The following SLCO4A1 variants were observed in gnomAD, a reference collection of about 807,000 sequenced individuals.
SLCO4A1 encodes the protein colon organic anion transporter.
A neutral mutation model predicts 64.6 loss-of-function variants in SLCO4A1; 51 were observed. That is an observed-to-expected ratio of 0.79 (90% CI 0.63 to 1.00). The LOEUF is 1.00. SLCO4A1 is among the 50% of genes least tolerant of loss of function. SLCO4A1 has a pLI of 0.00. For missense variants in SLCO4A1, 919 were observed against 980.5 expected, an observed-to-expected ratio of 0.94 and a Z score of 0.84; for synonymous variants, 471 against 444.9, an observed-to-expected ratio of 1.06 and a Z score of -0.74.
intron 2 of SLCO4A1, among the ~76,000 whole-genome samples, chr20:62,680,182 G>A (rs1367728397): frequency 6.6e-6 from 1 of 152,212 alleles, no homozygotes; most frequent in Non-Finnish European, 1.5e-5. Flanking sequence ...AGTGCCCTCT[G>A]CTGGTGTATA....
chr20:62,657,200 T>A lies in SLCO4A1; in HGVS notation c.746T>A (p.Val249Asp). The A allele has an allele frequency of 6.5e-7, 1 of 1,548,482 alleles. No individual in the cohort carries two copies. The highest frequency in any genetic ancestry group is 8.7e-7 in the Non-Finnish European group (1 of 1,145,454). ...GCCACACCCCTCTACACGCTGGGCG[T>A]CACCTACCTGGATGAGAACGTCAAG... is the stretch of plus-strand genomic sequence containing the variant. ...VGATPLYTLG[V>D]TYLDENVKSS... Residue 249 changes from valine to aspartate, a missense_variant, in exon 2 of 12, where the codon GTC becomes GAC. Val to Asp is a radical substitution (Grantham distance 152). Transcript: ENST00000217159.
chr20:62,680,283 C>T (rs1304738434), intron 2 of SLCO4A1, among the ~76,000 whole-genome samples: 1 of 152,238 alleles, frequency 6.6e-6, no homozygotes, highest in Non-Finnish European at 1.5e-5. Flanking sequence ...TCTACATAAA[C>T]AGCCATGTCA....
At chr20:62,689,298 C>T (rs962367489), downstream of SLCO4A1, among the ~76,000 whole-genome samples, 7 of 151,950 alleles carry the variant, frequency 4.6e-5, no homozygotes, top group East Asian at 5.8e-4. Flanking sequence ...CCCCGTGCCT[C>T]GCAGGCCTGT....
At chr20:62,677,899 C>T (rs565376039) in intron 2 of SLCO4A1, among the ~76,000 whole-genome samples, 237 of 152,374 alleles carry the variant, frequency 1.6e-3, no homozygotes, top group African/African-American at 5.5e-3. Context: ...TGCTCCAGTC[C>T]CCAGCTGGGC....
At chr20:62,655,729 T>C (rs1171285059) in intron 1 of SLCO4A1, among the ~76,000 whole-genome samples, 1 of 152,166 alleles carries the variant, frequency 6.6e-6, no homozygotes, top group Non-Finnish European at 1.5e-5. Flanking sequence ...CGGGGGTGTT[T>C]CCGGTGCTGG....
Position 62,657,040 on chromosome 20 carries a change from C to G in SLCO4A1, c.586C>G (p.Arg196Gly), listed in dbSNP as rs151190266. The change falls in exon 2 of 12, where the codon CGC becomes GGC. Residue 196 changes from arginine (R) to glycine (G), a missense_variant. Transcript: ENST00000217159. ...VFALPHFTAGRYEVELDAGVR... is the reference protein window; with the variant it reads ...VFALPHFTAGGYEVELDAGVR... ...CGCGCTGCCCCACTTCACGGCTGGC[C>G]GCTATGAGGTGGAGTTGGACGCGGG... is the stretch of plus-strand genomic sequence containing the variant. The G allele has an allele frequency of 6.3e-7, 1 of 1,592,552 alleles. No individual in the cohort carries two copies. The highest frequency in any genetic ancestry group is 8.6e-7 in the Non-Finnish European group (1 of 1,166,804).
chr20:62,665,925 TGGCC>T (rs1986147586), intron 6 of SLCO4A1: 2 of 158,816 alleles, frequency 1.3e-5, no homozygotes, highest in Non-Finnish European at 2.8e-5. Flanking sequence ...TTACTGTTGG[TGGCC>T]ACTCAGGCTT....
Position 62,668,014 on chromosome 20 carries a change from G to A in SLCO4A1, c.1641G>A (p.Val547=), listed in dbSNP as rs1475878209. The change falls in exon 9 of 12, where the codon GTG becomes GTA. Residue 547 remains valine (V), a splice_region_variant and synonymous_variant. Transcript: ENST00000217159. The part of the protein sequence containing the change: ...ATETNVDGQK[V]YRDCSCIPQN... ...GGAGCTATTGTTGGGCTTCCCAGGT[G>A]TACCGAGACTGTAGCTGTATCCCTC... The A allele has an allele frequency of 5.0e-6, 8 of 1,613,942 alleles. No individual in the cohort carries two copies. In the Admixed American group the frequency reaches 8.3e-5, roughly 17 times the overall value.
intron 10 of SLCO4A1, 76 bp downstream of exon 10, chr20:62,668,617 C>A: frequency 7.4e-7 from 1 of 1,354,206 alleles, no homozygotes; most frequent in Non-Finnish European, 1.1e-6. Context: ...AAGTGTCTAA[C>A]CACCAAGGGG....
chr20:62,668,474 C>T lies in SLCO4A1; in HGVS notation c.1812-3C>T, dbSNP rs774861784. On this transcript the variant is annotated splice_polypyrimidine_tract_variant and splice_region_variant and intron_variant, in intron 9 of 11. Transcript: ENST00000217159. The stretch of plus-strand genomic sequence containing the variant: ...GTGCTGACGCTGTGGTTTTCTATTG[C>T]AGATGTGTCCGTGACCCTCAGAGAT... 1 of 1,613,798 alleles carries T rather than the reference C, an allele frequency of 6.2e-7. No individual in the cohort carries two copies. Among genetic ancestry groups the T allele is most frequent in the Admixed American group, 1.7e-5 (1 of 60,032 alleles).
At position 62,666,421 on chromosome 20, in the gene SLCO4A1, G is replaced by A. The variant is rs748663971; in HGVS notation, c.1318G>A (p.Gly440Ser). The A allele has an allele frequency of 1.7e-5, 27 of 1,613,032 alleles. No homozygotes were observed. The highest frequency in any genetic ancestry group is 2.1e-5 in the Non-Finnish European group (25 of 1,179,910). Residue 440 changes from glycine to serine, a missense_variant, in exon 7 of 12, where the codon GGC (glycine) becomes AGC (serine). Gly to Ser is a moderately conservative substitution (Grantham distance 56). Transcript: ENST00000217159. Reference protein sequence around the residue: ...VPAGGGGTFLGGFFVNKLRLR... With the variant: ...VPAGGGGTFLSGFFVNKLRLR... ...AGCGGGTGGTGGCGGCACCTTCCTG[G>A]GCGGCTTCTTTGTGAACAAGCTCAG...
rs1172282484 is a variant in SLCO4A1, at chr20:62,685,588, G to A, written n.359G>A. 3.4e-5 allele frequency: 11 copies of A among 324,170 alleles called. No individual in the cohort carries two copies. The highest frequency in any genetic ancestry group is 4.9e-5 in the Non-Finnish European group (11 of 225,496). 20.1% of individuals were successfully genotyped at this position (324,170 alleles called of 1,614,324 possible). Reference sequence around the variant, plus strand: ...CCAGAGCAGGCTTTCTCTAGAGGGTGGACTGCCTGTGTTCTCCTGGGAGAG... The same window carrying A: ...CCAGAGCAGGCTTTCTCTAGAGGGTAGACTGCCTGTGTTCTCCTGGGAGAG... On this transcript the variant is annotated non_coding_transcript_exon_variant, in exon 3 of 3. Coordinates refer to the SLCO4A1 transcript ENST00000466818. The surrounding 1 kb of genome is among the most constrained non-coding windows in gnomAD (Gnocchi z 4.6).
chr20:62,672,345 T>G, downstream of SLCO4A1: 1 of 993,508 alleles, frequency 1.0e-6, no homozygotes, highest in African/African-American at 1.7e-5. Flanking sequence ...TTTGGTGGTC[T>G]CGCCATCCTT....
chr20:62,670,571 G>A (rs1054215146), intron 11 of SLCO4A1, among the ~76,000 whole-genome samples: 2 of 152,196 alleles, frequency 1.3e-5, no homozygotes, highest in African/African-American at 2.4e-5. Context: ...AGACTCACGC[G>A]TCCACAGGGG....
At chr20:62,668,899 G>A (rs1325301645) in intron 10 of SLCO4A1, 31 bp from the exon 11 acceptor site, 7 of 1,593,424 alleles carry the variant, frequency 4.4e-6, no homozygotes, top group Admixed American at 3.3e-5. Flanking sequence ...CCCACCAGGA[G>A]TGTGGGTGCT....
chr20:62,675,325 C>T (rs1173322623), downstream of SLCO4A1, among the ~76,000 whole-genome samples: 1 of 152,162 alleles, frequency 6.6e-6, no homozygotes, highest in African/African-American at 2.4e-5. Flanking sequence ...CTTCCCAGGT[C>T]CAGGAGGGCC....
rs777533609 is a variant in SLCO4A1 at position 62,666,405 on chromosome 20, T to TGGC, written c.1306_1308dup (p.Gly436dup). ...GGTACCTGGTGGTGCCAGCGGGTGG[T>TGGC]GGCGGCACCTTCCTGGGCGGCTTCT... On this transcript the variant is annotated inframe_insertion, in exon 7 of 12. Transcript: ENST00000217159. The TGGC allele has an allele frequency of 1.3e-5, 21 of 1,612,694 alleles. No homozygotes were observed. Among genetic ancestry groups the TGGC allele is most frequent in the Non-Finnish European group, 8.5e-7 (1 of 1,179,878 alleles).
Position 62,668,626 on chromosome 20 carries a change from G to C in SLCO4A1, c.1876+85G>C. The C allele has an allele frequency of 2.3e-6, 3 of 1,298,606 alleles. No individual in the cohort carries two copies. In the South Asian group the frequency reaches 3.5e-5, roughly 15 times the overall value. The allele number at this position is 1,298,606 out of a possible 1,614,324, so 80.4% of individuals were successfully genotyped here. On this transcript the variant is annotated intron_variant, in intron 10 of 11. Transcript: ENST00000217159. ...ATGGGCAAGTGTCTAACCACCAAGG[G>C]GATGTGCTTCCCAGCAGGAGGCTGT... is the stretch of plus-strand genomic sequence containing the variant.
Position 62,677,946 on chromosome 20 carries a change from C to A in SLCO4A1, n.212-7495C>A, listed in dbSNP as rs1164492985. On this transcript the variant is annotated intron_variant and non_coding_transcript_variant, in intron 2 of 2. Coordinates refer to the SLCO4A1 transcript ENST00000466818. ...ACTTCCCCTTAGGGGAGGGAATCAG[C>A]CCTTCCCACCTAGCCACACCTGCAG... is the stretch of plus-strand genomic sequence containing the variant. Among the ~76,000 whole-genome samples the A allele has an allele frequency of 3.9e-5, 6 of 152,254 alleles. No individual in the cohort carries two copies. The South Asian group carries it at 1.0e-3, about 26-fold the overall frequency.
Sources: gnomAD v4.1 joint callset for allele counts (sites outside exome capture counted in the v4.1 genomes callset) on GRCh38, gnomAD v4.1.1 for gene constraint, Gnocchi (gnomAD v3.1) non-coding constraint, MANE v1.5 for transcripts, NCBI Gene and HGNC (gene_info 2026-07-23, HGNC 2026-07-21) for gene names.